Variants in URI1 observed in about 807,000 individuals in gnomAD.
URI1 encodes unconventional prefoldin RPB5 interactor 1.
Under a neutral mutation model 60.2 loss-of-function variants are expected in URI1, and 39 were observed. That is an observed-to-expected ratio of 0.65 (90% CI 0.50 to 0.85). The LOEUF (loss-of-function observed/expected upper bound fraction) is 0.85, where lower values mean the gene tolerates loss of function less well. Ranked by LOEUF, URI1 falls within the 40% of genes least tolerant of loss-of-function variation. The probability of loss-of-function intolerance (pLI) is 0.00; values close to 1 mark genes in which losing one functional copy is unlikely to be tolerated. For missense variants in URI1, 691 were observed against 665.9 expected (o/e 1.04, Z -0.42); for synonymous variants, 251 against 236.8 (o/e 1.06, Z -0.55).
At chr19:29,966,518 A>G (rs2055393207) in intron 1 of URI1, among the ~76,000 whole-genome samples, 1 of 152,210 alleles carries the variant, frequency 6.6e-6, no homozygotes, top group Non-Finnish European at 1.5e-5. Flanking sequence ...AGGAACCTGT[A>G]GTCAATTCCT....
rs1412792019 is a variant in URI1, at chr19:29,942,309, A to C, written c.-239A>C. On this transcript the variant is annotated 5_prime_UTR_variant, in exon 1 of 11. Coordinates refer to ENST00000392271, the MANE Select transcript of URI1 (RefSeq NM_003796.3). ...CCGGAGAGGCGTCTCGGTACCTGGC[A>C]GGCGGCCTGCTACTCGGAGCCCGCT... 3 of 985,222 alleles carry C rather than the reference A, an allele frequency of 3.0e-6. No homozygotes were observed. The highest frequency in any genetic ancestry group is 3.6e-6 in the Non-Finnish European group (3 of 829,718). The allele number at this position is 985,222 out of a possible 1,614,324, so 61.0% of individuals were successfully genotyped here. A position where few individuals can be genotyped will look rare whatever the true frequency, so the allele number is the denominator to read the frequency against.
intron 1 of URI1, among the ~76,000 whole-genome samples, chr19:29,930,260 A>G (rs1011888521): frequency 6.6e-6 from 1 of 152,050 alleles, no homozygotes; most frequent in African/African-American, 2.4e-5. Flanking sequence ...TTGATGCATA[A>G]AAGTTTTTAA....
intron 7 of URI1, among the ~76,000 whole-genome samples, chr19:30,008,778 T>C (rs540086963): frequency 1.3e-5 from 2 of 152,288 alleles, no homozygotes; most frequent in Non-Finnish European, 2.9e-5. Context: ...AAAAATTATC[T>C]TCTATATTCT....
Position 29,972,234 on chromosome 19 carries a change from T to C in URI1, c.152+1007T>C, listed in dbSNP as rs994219622. Among the ~76,000 whole-genome samples the C allele has an allele frequency of 6.6e-5, 10 of 152,086 alleles. 1 individual carries two copies. The highest frequency in any genetic ancestry group is 1.9e-4 in the African/African-American group (8 of 41,442). On this transcript the variant is annotated intron_variant, in intron 2 of 10. Transcript: ENST00000392271. ...AGAAAATAATCTAAAACTAATAATA[T>C]CCACTTTATAAGTAAAAATTCAGGA... is the stretch of plus-strand genomic sequence containing the variant.
At chr19:29,963,982 T>C (rs2055357892) in intron 1 of URI1, among the ~76,000 whole-genome samples, 1 of 152,228 alleles carries the variant, frequency 6.6e-6, no homozygotes, top group Non-Finnish European at 1.5e-5. Flanking sequence ...ATTTGACAGA[T>C]ACCATGGGAG....
intron 1 of URI1, among the ~76,000 whole-genome samples, chr19:29,930,532 A>G (rs903062911): frequency 2.2e-4 from 33 of 150,512 alleles, no homozygotes; most frequent in Admixed American, 7.9e-4. Flanking sequence ...CCTTTTCCAT[A>G]TATATTCTTC....
At chr19:29,948,944 CG>C (rs2055136940) in intron 1 of URI1, among the ~76,000 whole-genome samples, 1 of 151,090 alleles carries the variant, frequency 6.6e-6, no homozygotes, top group South Asian at 2.1e-4. Flanking sequence ...ACCTCCCAGA[CG>C]GGACCGCGGC....
upstream of URI1, chr19:29,937,770 G>A (rs956037037): frequency 6.6e-6 from 1 of 152,170 alleles, no homozygotes; most frequent in African/African-American, 2.4e-5. Context: ...AGGAGTCTGT[G>A]CTAATCCCTC....
At chr19:29,925,356 AG>A (rs1281370800) in intron 1 of URI1, among the ~76,000 whole-genome samples, 1 of 152,142 alleles carries the variant, frequency 6.6e-6, no homozygotes, top group Non-Finnish European at 1.5e-5. Flanking sequence ...AGTAGATTCT[AG>A]GGCAGAGCTG....
At chr19:29,978,506 T>A (rs770017064) in intron 2 of URI1, among the ~76,000 whole-genome samples, 1 of 152,130 alleles carries the variant, frequency 6.6e-6, no homozygotes, top group Admixed American at 6.5e-5. Context: ...CATTTTTTTT[T>A]ATGAAGAGTA....
At chr19:30,001,039 G>A (rs546472368) in intron 4 of URI1, among the ~76,000 whole-genome samples, 1 of 151,634 alleles carries the variant, frequency 6.6e-6, no homozygotes, top group Non-Finnish European at 1.5e-5. Context: ...TTTCATGGAT[G>A]GAGGGTCTTT....
chr19:30,007,581 T>A lies in URI1; in HGVS notation c.629T>A (p.Leu210Gln). Reference protein sequence around the residue: ...KSKDLLADKELWARLEELERQ... With the variant: ...KSKDLLADKEQWARLEELERQ... ...AAGGATTTGCTAGCTGATAAAGAAC[T>A]GTGGGCTCGACTTGAAGAACTAGAG... Residue 210 changes from leucine to glutamine, a missense_variant, in exon 7 of 11, where the codon CTG (leucine) becomes CAG (glutamine). Coordinates refer to ENST00000392271, the MANE Select transcript of URI1 (RefSeq NM_003796.3). The A allele has an allele frequency of 6.2e-7, 1 of 1,613,268 alleles. No homozygotes were observed. Among genetic ancestry groups the A allele is most frequent in the Non-Finnish European group, 8.5e-7 (1 of 1,179,494 alleles).
chr19:29,942,490 C>A lies in URI1; in HGVS notation c.-58C>A, dbSNP rs2055040562. ...GGCGCTGGGCAACTGCCGGCCGCGC[C>A]GCCTGCGCAGGCGCTGGTTCAGGAC... On this transcript the variant is annotated 5_prime_UTR_variant, in exon 1 of 11. Coordinates refer to ENST00000392271, the MANE Select transcript of URI1 (RefSeq NM_003796.3). 2 of 1,140,894 alleles carry A rather than the reference C, an allele frequency of 1.8e-6. No homozygotes were observed. Among genetic ancestry groups the A allele is most frequent in the South Asian group, 4.0e-5 (1 of 24,946 alleles). 70.7% of individuals were successfully genotyped at this position (1,140,894 alleles called of 1,614,324 possible).
intron 1 of URI1, among the ~76,000 whole-genome samples, chr19:29,948,852 G>A (rs1463399833): frequency 1.3e-5 from 2 of 152,184 alleles, no homozygotes; most frequent in African/African-American, 2.4e-5. Flanking sequence ...TGAGCTGTTG[G>A]GTACACCTGC....
chr19:29,992,461 C>T (rs1219100820), intron 4 of URI1, among the ~76,000 whole-genome samples: 1 of 152,178 alleles, frequency 6.6e-6, no homozygotes, highest in African/African-American at 2.4e-5. Flanking sequence ...AGACCATTTA[C>T]ATTTAATGTA....
chr19:29,931,731 T>C (rs189717502), intron 1 of URI1, among the ~76,000 whole-genome samples: 124 of 152,306 alleles, frequency 8.1e-4, no homozygotes, highest in African/African-American at 2.7e-3. Context: ...TCCTCCTTGG[T>C]TAATTTTTTT....
intron 4 of URI1, among the ~76,000 whole-genome samples, chr19:29,991,044 C>T (rs867205931): frequency 6.6e-5 from 10 of 152,050 alleles, no homozygotes; most frequent in African/African-American, 2.2e-4. Context: ...GTTGGTAGTA[C>T]GGGTGCTCTA....
intron 8 of URI1, 95 bp downstream of exon 8, chr19:30,009,448 T>C: frequency 3.4e-6 from 4 of 1,164,818 alleles, no homozygotes; most frequent in Non-Finnish European, 4.9e-6. Context: ...ATCATTATCA[T>C]TGTGGATAGT....
chr19:29,971,803 T>G (rs146465790), intron 2 of URI1, among the ~76,000 whole-genome samples: 111 of 152,048 alleles, frequency 7.3e-4, no homozygotes, highest in African/African-American at 2.6e-3. Context: ...AATGCTCGAT[T>G]TAATGGTGAA....
Sources: allele counts gnomAD v4.1 joint callset (sites outside exome capture counted in the v4.1 genomes callset), GRCh38; gene constraint gnomAD v4.1.1; transcripts MANE v1.5; gene names NCBI Gene and HGNC (gene_info 2026-07-23, HGNC 2026-07-21).